Variants in PAFAH1B3 observed in about 807,000 individuals in gnomAD.
PAFAH1B3 encodes platelet-activating factor acetylhydrolase IB subunit alpha1.
In PAFAH1B3, 15 loss-of-function variants were observed where a neutral mutation model predicts 24.4. That is an observed-to-expected ratio of 0.62 (90% CI 0.41 to 0.95). The LOEUF (loss-of-function observed/expected upper bound fraction) is 0.95. PAFAH1B3 is among the 40% of genes least tolerant of loss of function. PAFAH1B3 has a pLI of 0.00. For missense variants in PAFAH1B3, 266 were observed against 312.2 expected (o/e 0.85, Z 1.12); for synonymous variants, 144 against 126.5 (o/e 1.14, Z -0.93).
At position 42,302,603 on chromosome 19, in the gene PAFAH1B3, G is replaced by C. The variant is rs930422630; in HGVS notation, c.-294C>G. 18 of 391,602 alleles carry C rather than the reference G, an allele frequency of 4.6e-5. No individual in the cohort carries two copies. Among genetic ancestry groups the C allele is most frequent in the Non-Finnish European group, 6.5e-5 (14 of 214,352 alleles). The allele number at this position is 391,602 out of a possible 1,614,324, so 24.3% of individuals were successfully genotyped here. A position where few individuals can be genotyped will look rare whatever the true frequency, so the allele number is the denominator to read the frequency against. On this transcript the variant is annotated 5_prime_UTR_variant, in exon 1 of 5. Transcript: ENST00000262890. ...CCGCTGACTCCCAGGCCGCGCACCC[G>C]GCACGGGGTGGGGGGAGGGAGAGGC...
chr19:42,298,437 G>A (rs754678604), intron 4 of PAFAH1B3, among the ~76,000 whole-genome samples: 10 of 152,202 alleles, frequency 6.6e-5, no homozygotes, highest in Non-Finnish European at 1.3e-4. Flanking sequence ...GTTGCAGTGA[G>A]GCCAGATTGC....
At position 42,297,358 on chromosome 19, in the gene PAFAH1B3, A is replaced by C. The variant is rs1189249833; in HGVS notation, c.416T>G (p.Leu139Arg). Residue 139 changes from leucine (L) to arginine (R), a missense_variant, in exon 5 of 5, where the codon CTT becomes CGT. Transcript: ENST00000262890. ...PQARVVVLGL[L>R]PRGQHPNPLR... The stretch of plus-strand genomic sequence containing the variant: ...TGGGTTGGGATGTTGGCCTCGCGGA[A>C]GCAGGCCCTGAGCAGGAACACGAGG... 1.2e-6 allele frequency: 2 copies of C among 1,606,592 alleles called. No homozygotes were observed. The highest frequency in any genetic ancestry group is 8.5e-7 in the Non-Finnish European group (1 of 1,173,742).
Position 42,302,614 on chromosome 19 carries a change from G to T in PAFAH1B3, c.-305C>A, listed in dbSNP as rs1004646204. 5 of 383,336 alleles carry T rather than the reference G, an allele frequency of 1.3e-5. No homozygotes were observed. The East Asian group carries it at 1.5e-4, about 11-fold the overall frequency. 23.7% of individuals were successfully genotyped at this position (383,336 alleles called of 1,614,324 possible). A position where few individuals can be genotyped will look rare whatever the true frequency, so the allele number is the denominator to read the frequency against. ...CAGGCCGCGCACCCGGCACGGGGTG[G>T]GGGGAGGGAGAGGCGAGACCATCCA... On this transcript the variant is annotated 5_prime_UTR_variant, in exon 1 of 5. Coordinates refer to ENST00000262890, the MANE Select transcript of PAFAH1B3 (RefSeq NM_002573.4).
rs1221186580 is a variant in PAFAH1B3, at chr19:42,302,561, G to A, written c.-252C>T. 3 of 457,550 alleles carry A rather than the reference G, an allele frequency of 6.6e-6. No individual in the cohort carries two copies. Among genetic ancestry groups the A allele is most frequent in the Admixed American group, 4.0e-5 (1 of 24,814 alleles). The allele number at this position is 457,550 out of a possible 1,614,324, so 28.3% of individuals were successfully genotyped here. On this transcript the variant is annotated 5_prime_UTR_variant, in exon 1 of 5. Transcript: ENST00000262890. ...CGACGGCCGCACAGTGGGCTCGCCC[G>A]GCGCTTCCCGCTCGGGCCGCTGACT...
At chr19:42,298,047 A>G (rs933235383) in intron 4 of PAFAH1B3, among the ~76,000 whole-genome samples, 1 of 151,550 alleles carries the variant, frequency 6.6e-6, no homozygotes, top group African/African-American at 2.4e-5. Context: ...ATACACAAAA[A>G]TTAGTGGGAC....
chr19:42,300,220 T>C lies in PAFAH1B3; in HGVS notation c.236A>G (p.His79Arg). 1.9e-6 allele frequency: 3 copies of C among 1,614,176 alleles called. No homozygotes were observed. Among genetic ancestry groups the C allele is most frequent in the South Asian group, 1.1e-5 (1 of 91,086 alleles). The change falls in exon 3 of 5, where the codon CAT becomes CGT. Residue 79 changes from histidine (H) to arginine (R), a missense_variant. By Grantham distance (29) the His-to-Arg change is conservative. Coordinates refer to ENST00000262890, the MANE Select transcript of PAFAH1B3 (RefSeq NM_002573.4). ...NFGIGGDGTQ[H>R]VLWRLENGEL... ...CCCATTCTCCAGCCGCCACAGTACA[T>C]GCTGTGTGCCGTCACCACCAATGCC...
intron 4 of PAFAH1B3, among the ~76,000 whole-genome samples, chr19:42,299,387 G>T (rs1437884435): frequency 6.6e-6 from 1 of 151,768 alleles, no homozygotes; most frequent in Non-Finnish European, 1.5e-5. Flanking sequence ...AAAGTGCTGG[G>T]ATTACAGGCA....
chr19:42,297,249 G>A lies in PAFAH1B3; in HGVS notation c.525C>T (p.Asp175=), dbSNP rs762308083. ...TGCCATCTGAGTGCACAAAGCCAGG[G>A]TCGGCATCTAGGAAGTGGGCCCGAG... ...GHPRAHFLDA[D]PGFVHSDGTI... The change falls in exon 5 of 5, where the codon GAC becomes GAT. Residue 175 remains aspartate (D), a synonymous_variant. Coordinates refer to ENST00000262890, the MANE Select transcript of PAFAH1B3 (RefSeq NM_002573.4). The A allele has an allele frequency of 8.1e-6, 13 of 1,614,032 alleles. No homozygotes were observed. Among genetic ancestry groups the A allele is most frequent in the East Asian group, 2.2e-5 (1 of 44,898 alleles).
rs1244642928 is a variant in PAFAH1B3 at position 42,299,136 on chromosome 19, G to T, written c.408+834C>A. 6.7e-5 allele frequency among the ~76,000 whole-genome samples: 9 copies of T among 133,348 alleles called. No individual in the cohort carries two copies. In the South Asian group the frequency reaches 2.3e-3, roughly 34 times the overall value. The allele number at this position is 133,348 out of a possible 152,430, so 87.5% of individuals were successfully genotyped here. On this transcript the variant is annotated intron_variant, in intron 4 of 4. Coordinates refer to ENST00000262890, the MANE Select transcript of PAFAH1B3 (RefSeq NM_002573.4). ...GCACCCGGCTTTTTTTTTTTTTTGAGACAGAGTTTCGCTCCTGTTGCCCAG... is the reference window on the plus strand; with the variant it reads ...GCACCCGGCTTTTTTTTTTTTTTGATACAGAGTTTCGCTCCTGTTGCCCAG...
chr19:42,301,855 ACT>A, intron 2 of PAFAH1B3, 93 bp downstream of exon 2: 1 of 946,446 alleles, frequency 1.1e-6, no homozygotes, highest in Non-Finnish European at 1.7e-6. Flanking sequence ...CAATCTGGGT[ACT>A]CTCATAATAC....
chr19:42,298,934 C>T (rs1349517850), intron 4 of PAFAH1B3, among the ~76,000 whole-genome samples: 3 of 152,008 alleles, frequency 2.0e-5, no homozygotes, highest in Non-Finnish European at 4.4e-5. Flanking sequence ...CTGCCTCAGC[C>T]TCCCAAGTAG....
rs537937924 is a variant in PAFAH1B3 at position 42,302,602 on chromosome 19, C to T, written c.-293G>A. The T allele has an allele frequency of 1.3e-5, 5 of 386,766 alleles. No individual in the cohort carries two copies. Among genetic ancestry groups the T allele is most frequent in the Non-Finnish European group, 2.4e-5 (5 of 211,466 alleles). 24.0% of individuals were successfully genotyped at this position (386,766 alleles called of 1,614,324 possible). A position where few individuals can be genotyped will look rare whatever the true frequency, so the allele number is the denominator to read the frequency against. On this transcript the variant is annotated 5_prime_UTR_variant, in exon 1 of 5. Coordinates refer to ENST00000262890, the MANE Select transcript of PAFAH1B3 (RefSeq NM_002573.4). ...GCCGCTGACTCCCAGGCCGCGCACC[C>T]GGCACGGGGTGGGGGGAGGGAGAGG...
At position 42,302,589 on chromosome 19, in the gene PAFAH1B3, C is replaced by CAGG. The variant is rs1555775928; in HGVS notation, c.-283_-281dup. 2.4e-6 allele frequency: 1 copy of CAGG among 418,702 alleles called. No individual in the cohort carries two copies. Among genetic ancestry groups the CAGG allele is most frequent in the Non-Finnish European group, 4.3e-6 (1 of 230,926 alleles). 25.9% of individuals were successfully genotyped at this position (418,702 alleles called of 1,614,324 possible). A position where few individuals can be genotyped will look rare whatever the true frequency, so the allele number is the denominator to read the frequency against. On this transcript the variant is annotated 5_prime_UTR_variant, in exon 1 of 5. Coordinates refer to ENST00000262890, the MANE Select transcript of PAFAH1B3 (RefSeq NM_002573.4). ...GCTTCCCGCTCGGGCCGCTGACTCCCAGGCCGCGCACCCGGCACGGGGTGG... is the reference window on the plus strand; with the variant it reads ...GCTTCCCGCTCGGGCCGCTGACTCCCAGGAGGCCGCGCACCCGGCACGGGGTGG...
intron 1 of PAFAH1B3, 61 bp downstream of exon 1, chr19:42,302,171 G>T (rs1004365900): frequency 1.1e-5 from 16 of 1,514,076 alleles, no homozygotes; most frequent in Middle Eastern, 1.7e-4. Context: ...CGAACCAGCC[G>T]TTCTCCTGAG....
At chr19:42,297,596 CAG>C (rs1366822969) in intron 4 of PAFAH1B3, among the ~76,000 whole-genome samples, 29 of 145,322 alleles carry the variant, frequency 2.0e-4, no homozygotes, top group African/African-American at 7.1e-4. Context: ...TTTTTTGAGA[CAG>C]AGTCTTGCTC....
intron 4 of PAFAH1B3, 71 bp from the exon 5 acceptor site, chr19:42,297,436 TCCAC>T: frequency 1.8e-6 from 2 of 1,131,520 alleles, no homozygotes; most frequent in Non-Finnish European, 2.3e-6. Flanking sequence ...CAACCTGTCC[TCCAC>T]CCACCACCAT....
At chr19:42,299,279 G>A (rs1315221031) in intron 4 of PAFAH1B3, among the ~76,000 whole-genome samples, 1 of 152,110 alleles carries the variant, frequency 6.6e-6, no homozygotes, top group African/African-American at 2.4e-5. Context: ...ACCACGCCCA[G>A]CTAATTTTGT....
At chr19:42,298,827 T>C (rs367961203) in intron 4 of PAFAH1B3, among the ~76,000 whole-genome samples, 1 of 151,960 alleles carries the variant, frequency 6.6e-6, no homozygotes, top group Non-Finnish European at 1.5e-5. Flanking sequence ...ATTCTTTTTT[T>C]TTTTGAGATG....
At chr19:42,301,873 C>T in intron 2 of PAFAH1B3, 77 bp downstream of exon 2, 3 of 1,229,212 alleles carry the variant, frequency 2.4e-6, no homozygotes, top group South Asian at 1.3e-5. Flanking sequence ...AATACCTCAC[C>T]TGGCCTGGGT....
Sources: gnomAD v4.1 joint callset for allele counts (sites outside exome capture counted in the v4.1 genomes callset) on GRCh38, gnomAD v4.1.1 for gene constraint, MANE v1.5 for transcripts, NCBI Gene and HGNC (gene_info 2026-07-23, HGNC 2026-07-21) for gene names.